Variants in TERT observed in about 807,000 individuals in gnomAD.
TERT encodes telomerase reverse transcriptase.
A neutral mutation model predicts 104.0 loss-of-function variants in TERT; 42 were observed. That is an observed-to-expected ratio of 0.40 (90% CI 0.32 to 0.52). The LOEUF is 0.52. Ranked by LOEUF, TERT falls within the 20% of genes least tolerant of loss-of-function variation. TERT has a pLI of 0.43. For synonymous variants in TERT, 781 were observed against 725.6 expected (o/e 1.08, Z -1.23); for missense variants, 1,101 against 1,610.3 (o/e 0.68, Z 5.41).
rs898108524 is a variant in TERT, at chr5:1,265,203, C to T, written c.2655-611G>A. ...CCAGCTCAGGGAGCCCCCCTGTGCC[C>T]GGTAGCCTCTGCTCTGGCCTGGGCA... On this transcript the variant is annotated intron_variant, in intron 10 of 15. Coordinates refer to ENST00000310581, the MANE Select transcript of TERT (RefSeq NM_198253.3). This position sits in a 1 kb window ranked among gnomAD's most constrained non-coding sequence, Gnocchi z 6.9. Among the ~76,000 whole-genome samples the T allele has an allele frequency of 6.6e-6, 1 of 152,130 alleles. No individual in the cohort carries two copies. The highest frequency in any genetic ancestry group is 2.4e-5 in the African/African-American group (1 of 41,432).
rs1421762684 is a variant in TERT at position 1,263,333 on chromosome 5, A to G, written c.2843+1071T>C. Among the ~76,000 whole-genome samples the G allele has an allele frequency of 6.6e-6, 1 of 152,134 alleles. No individual in the cohort carries two copies. The highest frequency in any genetic ancestry group is 1.5e-5 in the Non-Finnish European group (1 of 68,030). ...GGCACCCCCAGTTCCGGCCTCTAGC[A>G]CAGCACCAGTAAATATTATCGAAGG... On this transcript the variant is annotated intron_variant, in intron 11 of 15. Coordinates refer to ENST00000310581, the MANE Select transcript of TERT (RefSeq NM_198253.3). The surrounding 1 kb of genome is among the most constrained non-coding windows in gnomAD (Gnocchi z 5.3).
At chr5:1,275,528 C>T (rs1471181735) in intron 6 of TERT, among the ~76,000 whole-genome samples, 7 of 152,098 alleles carry the variant, frequency 4.6e-5, no homozygotes, top group Non-Finnish European at 7.4e-5. Flanking sequence ...CCACAGCAGG[C>T]ACCACACGAC....
chr5:1,276,057 GAA>G (rs1252077147), intron 6 of TERT, among the ~76,000 whole-genome samples: 1 of 61,002 alleles, frequency 1.6e-5, no homozygotes, highest in Non-Finnish European at 3.2e-5. Flanking sequence ...CCCCACACAT[GAA>G]AACCAATCCC....
chr5:1,267,418 C>T (rs1424200451), intron 9 of TERT, among the ~76,000 whole-genome samples: 1 of 152,240 alleles, frequency 6.6e-6, no homozygotes, highest in Non-Finnish European at 1.5e-5. Flanking sequence ...TTGTGGAAGA[C>T]AGTGTGGTGA....
At chr5:1,264,801 G>A (rs1391500862) in intron 10 of TERT, among the ~76,000 whole-genome samples, 1 of 152,188 alleles carries the variant, frequency 6.6e-6, no homozygotes. Flanking sequence ...ACAGGTAGGT[G>A]AGCATGCAAG....
intron 2 of TERT, among the ~76,000 whole-genome samples, chr5:1,289,372 GGGGAC>G (rs2126670824): frequency 7.1e-6 from 1 of 139,938 alleles, no homozygotes. Flanking sequence ...AGGGACACCC[GGGGAC>G]GGGGCCTCAC....
rs917945458 is a variant in TERT at position 1,270,535 on chromosome 5, A to C, written c.2468+584T>G. Among the ~76,000 whole-genome samples the C allele has an allele frequency of 3.3e-5, 5 of 152,178 alleles. No homozygotes were observed. The highest frequency in any genetic ancestry group is 1.2e-4 in the African/African-American group (5 of 41,452). ...CTACCACCGTGAGTGTGGCTCACCC[A>C]GTGGCTGTGTGACGGCAGCTCTCCC... On this transcript the variant is annotated intron_variant, in intron 8 of 15. Transcript: ENST00000310581. The surrounding 1 kb of genome is among the most constrained non-coding windows in gnomAD (Gnocchi z 8.3).
intron 6 of TERT, among the ~76,000 whole-genome samples, chr5:1,272,641 CCA>C (rs200005321): frequency 1.9e-3 from 108 of 57,128 alleles, no homozygotes; most frequent in East Asian, 6.5e-3. Flanking sequence ...TCCACAGTCA[CCA>C]CACATCAGAC....
In TERT at chr5:1,280,284, C is replaced by A. The variant is rs769540249; in HGVS notation, c.1824G>T (p.Gln608His). Residue 608 changes from glutamine (Q) to histidine (H), a missense_variant, in exon 4 of 16, where the codon CAG (glutamine) becomes CAT (histidine). Physicochemically the swap from Gln to His is conservative, Grantham distance 24 (BLOSUM62 0). Around this residue, in one of 5 missense-constraint regions of TERT, gnomAD observed 463 missense variants for 797.5 expected, o/e 0.58. Coordinates refer to ENST00000310581, the MANE Select transcript of TERT (RefSeq NM_198253.3). ...GCAGGGCGGGCCTGGCTTCCCGATG[C>A]TGCCTGACCTCTGCTTCCGACAGCT... ...LRELSEAEVR[Q>H]HREARPALLT... is the part of the protein sequence containing the mutation. 3.8e-5 allele frequency: 62 copies of A among 1,613,594 alleles called. No homozygotes were observed. The South Asian group carries it at 6.4e-4, about 17-fold the overall frequency.
rs191838500 is a variant in TERT, at chr5:1,282,406, G to A, written c.1769+23C>T. The A allele has an allele frequency of 1.2e-3, 1,959 of 1,613,058 alleles. 4 individuals are homozygous for A. Among genetic ancestry groups the A allele is most frequent in the Non-Finnish European group, 1.1e-3 (1,317 of 1,179,078 alleles). On this transcript the variant is annotated intron_variant, in intron 3 of 15. Coordinates refer to ENST00000310581, the MANE Select transcript of TERT (RefSeq NM_198253.3). ...GTGTTCCAGGACTTCGAGAAGCAGA[G>A]GCCTGGCGTGGGGATACAGTACCTG...
At position 1,272,284 on chromosome 5, in the gene TERT, C is replaced by A; in HGVS notation, c.2287-4G>T. The stretch of plus-strand genomic sequence containing the variant: ...GGAGGTCTGTCAAGGTAGAGACCTG[C>A]CGGCAGAGGAGAGGGCATGAGCCAC... On this transcript the variant is annotated splice_region_variant and splice_polypyrimidine_tract_variant and intron_variant, in intron 6 of 15. Transcript: ENST00000310581. The A allele has an allele frequency of 6.2e-7, 1 of 1,608,928 alleles. No individual in the cohort carries two copies. The highest frequency in any genetic ancestry group is 8.5e-7 in the Non-Finnish European group (1 of 1,178,308).
intron 6 of TERT, among the ~76,000 whole-genome samples, chr5:1,275,757 C>T (rs1166577444): frequency 7.6e-6 from 1 of 131,240 alleles, no homozygotes; most frequent in East Asian, 2.5e-4. Context: ...CACATGAAAA[C>T]CAATCCCACA....
Position 1,253,380 on chromosome 5 carries a change from G to A in TERT, c.*348C>T. The A allele has an allele frequency of 2.2e-6, 1 of 458,470 alleles. No homozygotes were observed. Among genetic ancestry groups the A allele is most frequent in the East Asian group, 3.8e-5 (1 of 26,114 alleles). The allele number at this position is 458,470 out of a possible 1,614,324, so 28.4% of individuals were successfully genotyped here. ...GGAAGGCAAAGGAGGGCAGGGCGAG[G>A]GGTGAACAATGGCGAATCTGGGGAT... On this transcript the variant is annotated 3_prime_UTR_variant, in exon 16 of 16. Transcript: ENST00000310581.
In TERT at chr5:1,294,939, G is replaced by C; in HGVS notation, c.51C>G (p.His17Gln). ...CRAVRSLLRSHYREVLPLATF... is the reference protein window; with the variant it reads ...CRAVRSLLRSQYREVLPLATF... ...TGGCCAGCGGCAGCACCTCGCGGTA[G>C]TGGCTGCGCAGCAGGGAGCGCACGG... The change falls in exon 1 of 16, where the codon CAC becomes CAG. Residue 17 changes from histidine (H) to glutamine (Q), a missense_variant. By Grantham distance (24) the His-to-Gln change is conservative. Coordinates refer to ENST00000310581, the MANE Select transcript of TERT (RefSeq NM_198253.3). The C allele has an allele frequency of 1.4e-6, 2 of 1,413,532 alleles. No individual in the cohort carries two copies. The highest frequency in any genetic ancestry group is 9.2e-7 in the Non-Finnish European group (1 of 1,088,278). The allele number at this position is 1,413,532 out of a possible 1,614,324, so 87.6% of individuals were successfully genotyped here.
In TERT at chr5:1,286,635, T is replaced by C. The variant is rs1422114461; in HGVS notation, c.1574-4011A>G. Among the ~76,000 whole-genome samples the C allele has an allele frequency of 6.6e-6, 1 of 152,106 alleles. No homozygotes were observed. Among genetic ancestry groups the C allele is most frequent in the Non-Finnish European group, 1.5e-5 (1 of 68,006 alleles). On this transcript the variant is annotated intron_variant, in intron 2 of 15. Transcript: ENST00000310581. The surrounding 1 kb of genome is among the most constrained non-coding windows in gnomAD (Gnocchi z 5.3). Reference sequence around the variant, plus strand: ...GCTTGCACCTGTAATCCCAGCACTGTGGGAGGCCAAGGCGGGCAGATCACT... The same window carrying C: ...GCTTGCACCTGTAATCCCAGCACTGCGGGAGGCCAAGGCGGGCAGATCACT...
At chr5:1,285,923 G>A (rs530625272) in intron 2 of TERT, among the ~76,000 whole-genome samples, 33 of 151,988 alleles carry the variant, frequency 2.2e-4, no homozygotes, top group African/African-American at 7.5e-4. Flanking sequence ...GGGCGACAAC[G>A]GCTCGGAGCC....
intron 9 of TERT, 50 bp from the exon 10 acceptor site, chr5:1,266,585 A>C (rs1300437186): frequency 7.0e-7 from 1 of 1,424,312 alleles, no homozygotes; most frequent in East Asian, 2.4e-5. Flanking sequence ...CTTTTTACGT[A>C]GTATCTGTCT....
In TERT at chr5:1,253,376, C is replaced by T. The variant is rs1415071850; in HGVS notation, c.*352G>A. Reference sequence around the variant, plus strand: ...GGGTGGAAGGCAAAGGAGGGCAGGGCGAGGGGTGAACAATGGCGAATCTGG... The same window carrying T: ...GGGTGGAAGGCAAAGGAGGGCAGGGTGAGGGGTGAACAATGGCGAATCTGG... On this transcript the variant is annotated 3_prime_UTR_variant, in exon 16 of 16. Transcript: ENST00000310581. 2.2e-5 allele frequency: 10 copies of T among 448,910 alleles called. No individual in the cohort carries two copies. Among genetic ancestry groups the T allele is most frequent in the South Asian group, 4.6e-5 (2 of 43,098 alleles). The allele number at this position is 448,910 out of a possible 1,614,324, so 27.8% of individuals were successfully genotyped here.
intron 10 of TERT, among the ~76,000 whole-genome samples, chr5:1,264,981 C>T (rs1218940228): frequency 2.0e-5 from 3 of 152,252 alleles, no homozygotes; most frequent in Non-Finnish European, 4.4e-5. Context: ...ACCATCCCAC[C>T]TTCTTTTAAG....
Sources: gnomAD v4.1 joint callset for allele counts (sites outside exome capture counted in the v4.1 genomes callset) on GRCh38, gnomAD v4.1.1 for gene constraint, gnomAD v4.1.1 regional missense constraint, Gnocchi (gnomAD v3.1) non-coding constraint, MANE v1.5 for transcripts, NCBI Gene and HGNC (gene_info 2026-07-23, HGNC 2026-07-21) for gene names.